PTAFR: variants seen among roughly 807,000 people sequenced by gnomAD.
PTAFR encodes platelet-activating factor receptor.
PTAFR carries 8 observed loss-of-function variants against 14.7 expected under a neutral mutation model. That is an observed-to-expected ratio of 0.54 (90% CI 0.32 to 0.98). PTAFR has a LOEUF of 0.98. Ranked by LOEUF, PTAFR falls within the 50% of genes least tolerant of loss-of-function variation. The pLI, the probability that PTAFR is intolerant of heterozygous loss-of-function variation, is 0.04. For missense variants in PTAFR, 337 were observed against 451.2 expected (o/e 0.75, Z 2.29); for synonymous variants, 156 against 176.5 (o/e 0.88, Z 0.92).
In PTAFR at chr1:28,150,529, C is replaced by G. The variant is rs772170979; in HGVS notation, c.493G>C (p.Ala165Pro). The change falls in exon 2 of 2, where the codon GCT (alanine) becomes CCT (proline). Residue 165 changes from alanine (A) to proline (P), a missense_variant. Physicochemically the swap from Ala to Pro is conservative, Grantham distance 27. Coordinates refer to ENST00000373857, the MANE Select transcript of PTAFR (RefSeq NM_000952.5). The surrounding 1 kb of genome is among the most constrained non-coding windows in gnomAD (Gnocchi z 6.3). ...LDSTNTVPDS[A>P]GSGNVTRCFE... ...CAGCGAGTGACGTTGCCTGAGCCAGCACTGTCGGGCACTGTGTTGGTGGAG... is the reference window on the plus strand; with the variant it reads ...CAGCGAGTGACGTTGCCTGAGCCAGGACTGTCGGGCACTGTGTTGGTGGAG... 2 of 1,614,096 alleles carry G rather than the reference C, an allele frequency of 1.2e-6. No homozygotes were observed. The highest frequency in any genetic ancestry group is 2.7e-5 in the African/African-American group (2 of 74,946).
intron 1 of PTAFR, among the ~76,000 whole-genome samples, chr1:28,174,441 C>T: frequency 6.6e-6 from 1 of 152,178 alleles, no homozygotes; most frequent in East Asian, 1.9e-4. Context: ...CCAGCCTCTC[C>T]TCATACCTGC....
chr1:28,189,521 G>A (rs1484046471), intron 1 of PTAFR, among the ~76,000 whole-genome samples: 2 of 151,842 alleles, frequency 1.3e-5, no homozygotes, highest in African/African-American at 4.8e-5. Context: ...GCTGAGGCAG[G>A]AGAATCGCTT....
chr1:28,157,022 G>A (rs920080422), intron 1 of PTAFR, among the ~76,000 whole-genome samples: 11 of 152,166 alleles, frequency 7.2e-5, no homozygotes, highest in African/African-American at 1.9e-4. Flanking sequence ...GCCTGCCCAC[G>A]CCTATTGAGA....
chr1:28,150,749 G>A lies in PTAFR; in HGVS notation c.273C>T (p.Asn91=), dbSNP rs146920734. ...TGATGAAGAAAAGGCAGCCAGCCAC[G>A]TTGCACAGGAATTTGGGGAGTATCC... ...GNWILPKFLC[N]VAGCLFFINT... is the part of the protein sequence containing the mutation. Residue 91 remains asparagine, a synonymous_variant, in exon 2 of 2, where the codon AAC becomes AAT. Transcript: ENST00000373857. The surrounding 1 kb of genome is among the most constrained non-coding windows in gnomAD (Gnocchi z 6.3). 6.9e-5 allele frequency: 112 copies of A among 1,614,078 alleles called. No homozygotes were observed. In the African/African-American group the frequency reaches 7.5e-4, roughly 11 times the overall value.
At chr1:28,158,784 T>C (rs913983020) in intron 1 of PTAFR, among the ~76,000 whole-genome samples, 1 of 152,028 alleles carries the variant, frequency 6.6e-6, no homozygotes, top group Non-Finnish European at 1.5e-5. Context: ...CAATGGGAGT[T>C]ATTGAAGGAT....
intron 1 of PTAFR, among the ~76,000 whole-genome samples, chr1:28,175,977 A>G (rs1450403145): frequency 2.6e-5 from 4 of 151,960 alleles, no homozygotes; most frequent in Non-Finnish European, 5.9e-5. Context: ...TGGGGTCAGC[A>G]CTGCCACCAT....
At chr1:28,174,378 G>C (rs1417018057) in intron 1 of PTAFR, among the ~76,000 whole-genome samples, 3 of 151,924 alleles carry the variant, frequency 2.0e-5, no homozygotes, top group Admixed American at 6.6e-5. Context: ...TCCTTCACAG[G>C]CCTGGGGTGG....
rs1220827196 is a variant in PTAFR, at chr1:28,150,034, C to A, written c.988G>T (p.Val330Leu). 6.2e-7 allele frequency: 1 copy of A among 1,614,016 alleles called. No homozygotes were observed. Among genetic ancestry groups the A allele is most frequent in the East Asian group, 2.2e-5 (1 of 44,888 alleles). Residue 330 changes from valine (V) to leucine (L), a missense_variant, in exon 2 of 2, where the codon GTG becomes TTG. Val to Leu is a conservative substitution (Grantham distance 32, BLOSUM62 1). Transcript: ENST00000373857. The surrounding 1 kb of genome is among the most constrained non-coding windows in gnomAD (Gnocchi z 6.3). The part of the protein sequence containing the change: ...ATTDTVTEVV[V>L]PFNQIPGNSL... ...TTGCCAGGGATCTGGTTGAATGGCACAACCACTTCAGTGACCGTATCCGTG... is the reference window on the plus strand; with the variant it reads ...TTGCCAGGGATCTGGTTGAATGGCAAAACCACTTCAGTGACCGTATCCGTG...
At chr1:28,184,743 G>A (rs910515801) in intron 1 of PTAFR, among the ~76,000 whole-genome samples, 3 of 151,940 alleles carry the variant, frequency 2.0e-5, no homozygotes, top group Admixed American at 1.3e-4. Flanking sequence ...GAGTTCCAGC[G>A]ATTCTCCTTC....
intron 1 of PTAFR, among the ~76,000 whole-genome samples, chr1:28,181,847 T>C (rs1458045141): frequency 6.6e-6 from 1 of 152,128 alleles, no homozygotes; most frequent in East Asian, 1.9e-4. Context: ...TAGGAGCTCA[T>C]GCCTATAATC....
intron 1 of PTAFR, among the ~76,000 whole-genome samples, chr1:28,182,282 G>A (rs1572049018): frequency 6.6e-6 from 1 of 151,898 alleles, no homozygotes; most frequent in East Asian, 1.9e-4. Context: ...ATTTCAGTGA[G>A]CCAAGATTGC....
At chr1:28,191,874 T>A (rs1179001846) in intron 1 of PTAFR, among the ~76,000 whole-genome samples, 1 of 151,778 alleles carries the variant, frequency 6.6e-6, no homozygotes, top group Non-Finnish European at 1.5e-5. Context: ...AAAACCAGCC[T>A]AGGCAACATG....
At position 28,173,673 on chromosome 1, in the gene PTAFR, G is replaced by T. The variant is rs572898454; in HGVS notation, c.-39+2919C>A. Reference sequence around the variant, plus strand: ...CTCAAAAGAAAAAAAAAAAGAGGAGGGGGGGCGGGGTATGCACAAATTTGG... The same window carrying T: ...CTCAAAAGAAAAAAAAAAAGAGGAGTGGGGGCGGGGTATGCACAAATTTGG... On this transcript the variant is annotated intron_variant, in intron 1 of 1. Transcript: ENST00000373857. Among the ~76,000 whole-genome samples the T allele has an allele frequency of 2.7e-5, 4 of 150,850 alleles. No individual in the cohort carries two copies. In the South Asian group the frequency reaches 6.3e-4, roughly 24 times the overall value.
intron 1 of PTAFR, 88 bp from the exon 2 acceptor site, chr1:28,151,147 A>T (rs1483407327): frequency 1.4e-6 from 1 of 733,494 alleles, no homozygotes; most frequent in Non-Finnish European, 2.2e-6. Context: ...TGCCATGGTT[A>T]GAATGATGAT....
intron 1 of PTAFR, among the ~76,000 whole-genome samples, chr1:28,170,872 C>T (rs1430408243): frequency 2.0e-5 from 3 of 150,152 alleles, no homozygotes; most frequent in South Asian, 2.1e-4. Context: ...AGGTGGTGGG[C>T]GCCTGTAGTC....
chr1:28,155,223 G>A (rs1233394569), intron 1 of PTAFR, among the ~76,000 whole-genome samples: 1 of 151,952 alleles, frequency 6.6e-6, no homozygotes, highest in Non-Finnish European at 1.5e-5. Context: ...TTTTGTTGTT[G>A]TTGTTGAGAT....
chr1:28,181,091 G>T (rs902515726), upstream of PTAFR, among the ~76,000 whole-genome samples: 5 of 152,164 alleles, frequency 3.3e-5, no homozygotes, highest in South Asian at 4.1e-4. Context: ...GAAGCAATCC[G>T]CCCTCCTCCG....
At chr1:28,187,089 C>A (rs1394730469) in intron 1 of PTAFR, among the ~76,000 whole-genome samples, 3 of 152,184 alleles carry the variant, frequency 2.0e-5, no homozygotes, top group African/African-American at 7.2e-5. Flanking sequence ...CCTCGTCCAG[C>A]CCTCAAGAGT....
rs1038068462 is a variant in PTAFR at position 28,148,681 on chromosome 1, C to T, written c.*1312G>A. 7.2e-5 allele frequency: 11 copies of T among 152,372 alleles called. No homozygotes were observed. Among genetic ancestry groups the T allele is most frequent in the Non-Finnish European group, 1.5e-4 (10 of 68,094 alleles). The allele number at this position is 152,372 out of a possible 1,614,324, so 9.4% of individuals were successfully genotyped here. ...GTTTTACCATATTGGTCAGGCTGGT[C>T]TCAAACTCCTAACTTCAAATGATCG... On this transcript the variant is annotated 3_prime_UTR_variant, in exon 2 of 2. Coordinates refer to ENST00000373857, the MANE Select transcript of PTAFR (RefSeq NM_000952.5).
Sources: allele counts gnomAD v4.1 joint callset (sites outside exome capture counted in the v4.1 genomes callset), GRCh38; gene constraint gnomAD v4.1.1; non-coding constraint Gnocchi (gnomAD v3.1); transcripts MANE v1.5; gene names NCBI Gene and HGNC (gene_info 2026-07-23, HGNC 2026-07-21).